ATP8B4: variants seen among roughly 807,000 people sequenced by gnomAD.
ATP8B4 encodes probable phospholipid-transporting ATPase IM.
In ATP8B4, 133 loss-of-function variants were observed where a neutral mutation model predicts 145.6. The observed-to-expected ratio is 0.91, with a 90% CI of 0.79 to 1.05. The LOEUF is 1.05. Among genes scored for constraint, ATP8B4 ranks in the 50% least tolerant of loss-of-function variants. The pLI, the probability that ATP8B4 is intolerant of heterozygous loss-of-function variation, is 0.00. For missense variants in ATP8B4, 1,458 were observed against 1,425.2 expected (o/e 1.02, Z -0.37); for synonymous variants, 507 against 492.9 (o/e 1.03, Z -0.38).
intron 26 of ATP8B4, among the ~76,000 whole-genome samples, chr15:49,865,340 C>T (rs1437177405): frequency 6.6e-6 from 1 of 152,206 alleles, no homozygotes; most frequent in Non-Finnish European, 1.5e-5. Context: ...CTCTATGCAT[C>T]TCTTTATCTG....
intron 3 of ATP8B4, among the ~76,000 whole-genome samples, chr15:50,058,349 G>A (rs2052756060): frequency 6.6e-6 from 1 of 152,198 alleles, no homozygotes; most frequent in East Asian, 1.9e-4. Flanking sequence ...GGACAACTTA[G>A]TGCAGATGGA....
chr15:50,010,471 A>G (rs1437381173), intron 7 of ATP8B4, among the ~76,000 whole-genome samples: 1 of 152,076 alleles, frequency 6.6e-6, no homozygotes, highest in African/African-American at 2.4e-5. Context: ...AATTAACAAT[A>G]CTAATCAGGA....
chr15:49,891,470 C>G (rs1225920570), intron 23 of ATP8B4, among the ~76,000 whole-genome samples: 1 of 152,026 alleles, frequency 6.6e-6, no homozygotes. Context: ...GGATTACAGG[C>G]ACGCTCCACC....
At chr15:50,032,272 A>G (rs893628383) in intron 6 of ATP8B4, among the ~76,000 whole-genome samples, 1 of 151,832 alleles carries the variant, frequency 6.6e-6, no homozygotes, top group Non-Finnish European at 1.5e-5. Context: ...CTTATGAATG[A>G]GAACATGTGG....
chr15:49,911,702 C>A (rs996853330), intron 20 of ATP8B4, among the ~76,000 whole-genome samples: 5 of 152,136 alleles, frequency 3.3e-5, no homozygotes, highest in Admixed American at 2.6e-4. Context: ...CAGACATCCA[C>A]AGGACATTTT....
intron 17 of ATP8B4, among the ~76,000 whole-genome samples, chr15:49,920,818 T>C (rs1290667983): frequency 6.6e-6 from 1 of 152,138 alleles, no homozygotes; most frequent in Non-Finnish European, 1.5e-5. Context: ...CAGCTTTCAG[T>C]GAAGAGGAAA....
intron 1 of ATP8B4, among the ~76,000 whole-genome samples, chr15:50,157,684 T>A (rs143262744): frequency 1.3e-5 from 2 of 152,320 alleles, no homozygotes; most frequent in African/African-American, 4.8e-5. Context: ...TTGCACTGAA[T>A]CTGTAGATTG....
chr15:50,165,232 T>C (rs555799269), intron 1 of ATP8B4, among the ~76,000 whole-genome samples: 6 of 152,200 alleles, frequency 3.9e-5, no homozygotes, highest in African/African-American at 1.4e-4. Context: ...TTTGTATTTT[T>C]AGTAGAGATG....
chr15:49,986,138 C>T (rs2046579722), intron 10 of ATP8B4, among the ~76,000 whole-genome samples: 1 of 152,134 alleles, frequency 6.6e-6, no homozygotes, highest in Non-Finnish European at 1.5e-5. Flanking sequence ...CAGCGGTTCA[C>T]AACAACTGCC....
At chr15:50,147,828 CA>C (rs1472488771) in intron 1 of ATP8B4, among the ~76,000 whole-genome samples, 7 of 152,210 alleles carry the variant, frequency 4.6e-5, no homozygotes, top group South Asian at 2.1e-4. Flanking sequence ...ATGATAGAAA[CA>C]GAAAATCACC....
At chr15:50,041,590 C>T (rs979665429) in intron 5 of ATP8B4, among the ~76,000 whole-genome samples, 1 of 152,170 alleles carries the variant, frequency 6.6e-6, no homozygotes, top group Non-Finnish European at 1.5e-5. Context: ...CCAGGAACAT[C>T]CCAAGTTAGC....
intron 2 of ATP8B4, among the ~76,000 whole-genome samples, chr15:50,087,301 C>CTATATATTATTATATA (rs2055257949): frequency 8.5e-6 from 1 of 117,492 alleles, no homozygotes; most frequent in Non-Finnish European, 1.6e-5. Context: ...AGATCTATAT[C>CTATATATTATTATATA]TATTATATAT....
rs771645839 is a variant in ATP8B4, at chr15:49,901,170, C to CT, written c.2210dup (p.Gln738AlafsTer33). The CT allele has an allele frequency of 1.6e-4, 252 of 1,613,398 alleles. No individual in the cohort carries two copies. Among genetic ancestry groups the CT allele is most frequent in the Non-Finnish European group, 2.0e-4 (237 of 1,179,600 alleles). On this transcript the variant is annotated frameshift_variant, in exon 21 of 28. Transcript: ENST00000284509. LOFTEE classifies it high-confidence loss of function. The stretch of plus-strand genomic sequence containing the variant: ...CAATAGAATCCAACTCCAGCTGCTG[C>CT]TTTTTTTCACAAACTACATGGCCAT...
intron 12 of ATP8B4, among the ~76,000 whole-genome samples, chr15:49,974,379 C>T (rs548245885): frequency 1.4e-4 from 20 of 148,080 alleles, no homozygotes; most frequent in East Asian, 1.2e-3. Context: ...TGTGAGCCAC[C>T]GCACCCAGCC....
chr15:50,166,443 T>C (rs545483012), intron 1 of ATP8B4, among the ~76,000 whole-genome samples: 1 of 152,316 alleles, frequency 6.6e-6, no homozygotes, highest in South Asian at 2.1e-4. Flanking sequence ...GAGAATAATA[T>C]CTTAACAAAG....
At chr15:50,158,483 TG>T (rs1238878804) in intron 1 of ATP8B4, among the ~76,000 whole-genome samples, 1 of 135,606 alleles carries the variant, frequency 7.4e-6, no homozygotes, top group Non-Finnish European at 1.6e-5. Context: ...GGGAGGGAGG[TG>T]GGGGGGCGCC....
At position 49,858,838 on chromosome 15, in the gene ATP8B4, T is replaced by A. The variant is rs556861735; in HGVS notation, c.*1356A>T. ...ATATTCTCTTCCAATTGCTCTGTTA[T>A]ACTGATGTTGAGTTAACTGGAACTT... is the stretch of plus-strand genomic sequence containing the variant. On this transcript the variant is annotated 3_prime_UTR_variant, in exon 28 of 28. Transcript: ENST00000284509. 262 of 152,368 alleles carry A rather than the reference T, an allele frequency of 1.7e-3. 4 individuals are homozygous for A. The highest frequency in any genetic ancestry group is 6.1e-3 in the African/African-American group (253 of 41,574). 9.4% of individuals were successfully genotyped at this position (152,368 alleles called of 1,614,324 possible). A position where few individuals can be genotyped will look rare whatever the true frequency, so the allele number is the denominator to read the frequency against.
At chr15:49,985,465 G>T (rs957957900) in intron 10 of ATP8B4, among the ~76,000 whole-genome samples, 4 of 152,178 alleles carry the variant, frequency 2.6e-5, no homozygotes, top group Non-Finnish European at 5.9e-5. Context: ...AGACTTAGAG[G>T]TTTTGTGACA....
intron 20 of ATP8B4, among the ~76,000 whole-genome samples, chr15:49,903,308 C>T (rs1243662149): frequency 6.6e-6 from 1 of 152,170 alleles, no homozygotes; most frequent in Non-Finnish European, 1.5e-5. Flanking sequence ...ATTTTTGAAG[C>T]GTACACACAA....
Sources: gnomAD v4.1 joint callset for allele counts (sites outside exome capture counted in the v4.1 genomes callset) on GRCh38, gnomAD v4.1.1 for gene constraint, MANE v1.5 for transcripts, NCBI Gene and HGNC (gene_info 2026-07-23, HGNC 2026-07-21) for gene names.